Variants in NAV1 observed in about 807,000 individuals in gnomAD.
NAV1 encodes neuron navigator 1.
In NAV1, 18 loss-of-function variants were observed where a neutral mutation model predicts 175.2. The ratio of observed to expected loss-of-function variants is 0.10; its 90% CI spans 0.07 to 0.15. NAV1 has a LOEUF of 0.15. Ranked by LOEUF, NAV1 falls within the 10% of genes least tolerant of loss-of-function variation. The pLI, the probability that NAV1 is intolerant of heterozygous loss-of-function variation, is 1.00. For missense variants in NAV1, 1,731 were observed against 2,436.6 expected (o/e 0.71, Z 6.10); for synonymous variants, 897 against 978.7 (o/e 0.92, Z 1.56).
In NAV1 at chr1:201,567,760, C is replaced by T. The variant is rs184020547; in HGVS notation, c.-143-20779C>T. On this transcript the variant is annotated intron_variant, in intron 1 of 33. Transcript: ENST00000685211. ...CACAGACATGTCTACCCATGAGAGA[C>T]TATGGCTTTCTCCCAAGCCATAGGT... 8.2e-4 allele frequency among the ~76,000 whole-genome samples: 125 copies of T among 152,278 alleles called. 1 individual carries two copies. The highest frequency in any genetic ancestry group is 2.9e-3 in the African/African-American group (120 of 41,542).
Position 201,782,409 on chromosome 1 carries a change from A to G in NAV1, c.1897A>G (p.Lys633Glu). 1 of 1,614,136 alleles carries G rather than the reference A, an allele frequency of 6.2e-7. No individual in the cohort carries two copies. Among genetic ancestry groups the G allele is most frequent in the Non-Finnish European group, 8.5e-7 (1 of 1,179,986 alleles). ...TTCAGCCACTCTCAGCAAGATCCAG[A>G]AGTCCTCAGGCATCCCTGTCAAGCC... Residue 633 changes from lysine to glutamate, a missense_variant, in exon 6 of 30, where the codon AAG becomes GAG. By Grantham distance (56) the Lys-to-Glu change is moderately conservative. Transcript: ENST00000367296. This position sits in a 1 kb window ranked among gnomAD's most constrained non-coding sequence, Gnocchi z 5.4.
rs1356037460 is a variant in NAV1, at chr1:201,787,875, C to T, written c.2996-593C>T. The T allele has an allele frequency of 2.6e-5, 9 of 352,878 alleles. No individual in the cohort carries two copies. The highest frequency in any genetic ancestry group is 1.1e-4 in the Admixed American group (3 of 28,140). 21.9% of individuals were successfully genotyped at this position (352,878 alleles called of 1,614,324 possible). ...TGCTCTGTCCATCTGACCTTCAAGC[C>T]GGGGCAATGCTAGGCAAAGAGGGCC... is the stretch of plus-strand genomic sequence containing the variant. On this transcript the variant is annotated intron_variant, in intron 9 of 29. Transcript: ENST00000367296. This position sits in a 1 kb window ranked among gnomAD's most constrained non-coding sequence, Gnocchi z 4.3.
In NAV1 at chr1:201,782,875, C is replaced by A; in HGVS notation, c.2357+6C>A. 1.9e-6 allele frequency: 3 copies of A among 1,558,482 alleles called. No individual in the cohort carries two copies. Among genetic ancestry groups the A allele is most frequent in the Non-Finnish European group, 2.6e-6 (3 of 1,153,638 alleles). On this transcript the variant is annotated splice_donor_region_variant and intron_variant, in intron 6 of 29. Coordinates refer to ENST00000367296, the Ensembl canonical transcript of NAV1. The surrounding 1 kb of genome is among the most constrained non-coding windows in gnomAD (Gnocchi z 5.4). Reference sequence around the variant, plus strand: ...CTGCCACCAACCCCTCTCAGGTACCCAATGTGGGCAGCCGCCTCCTTGTCT... The same window carrying A: ...CTGCCACCAACCCCTCTCAGGTACCAAATGTGGGCAGCCGCCTCCTTGTCT...
At chr1:201,561,526 A>G (rs1666199614) in intron 1 of NAV1, among the ~76,000 whole-genome samples, 1 of 152,184 alleles carries the variant, frequency 6.6e-6, no homozygotes, top group Admixed American at 6.5e-5. Context: ...AGAAGATTAA[A>G]TCTGTATAGT....
At chr1:201,614,404 G>A (rs1457290471) in intron 2 of NAV1, among the ~76,000 whole-genome samples, 2 of 152,226 alleles carry the variant, frequency 1.3e-5, no homozygotes, top group African/African-American at 4.8e-5. Flanking sequence ...TCAAGGGCAG[G>A]AAGGGCGGTG....
chr1:201,670,434 G>A lies in NAV1; in HGVS notation c.757+21009G>A, dbSNP rs1041762761. ...GGTAAGCTCATCTCAGCTGTACTTA[G>A]GGCACATGAGATTCATATAAATTTT... On this transcript the variant is annotated intron_variant, in intron 1 of 29. Transcript: ENST00000367296. Among the ~76,000 whole-genome samples the A allele has an allele frequency of 4.1e-4, 60 of 146,892 alleles. 1 individual carries two copies. Among genetic ancestry groups the A allele is most frequent in the Non-Finnish European group, 7.1e-4 (48 of 67,232 alleles).
Position 201,788,630 on chromosome 1 carries a change from CGG to C in NAV1, c.3159_3160del (p.Asp1054ArgfsTer21). ...CGGTCAGGATCCTTCCGAGACCCCA[CGG>C]ACGATGGTGAGACTTCATGCTAGCG... On this transcript the variant is annotated frameshift_variant, in exon 10 of 30. Coordinates refer to ENST00000367296, the Ensembl canonical transcript of NAV1. LOFTEE classifies it high-confidence loss of function. The surrounding 1 kb of genome is among the most constrained non-coding windows in gnomAD (Gnocchi z 5.7). The C allele has an allele frequency of 6.2e-7, 1 of 1,611,400 alleles. No individual in the cohort carries two copies. Among genetic ancestry groups the C allele is most frequent in the Non-Finnish European group, 8.5e-7 (1 of 1,178,436 alleles).
At chr1:201,621,816 T>A (rs1287503140), upstream of NAV1, among the ~76,000 whole-genome samples, 1 of 152,248 alleles carries the variant, frequency 6.6e-6, no homozygotes, top group Non-Finnish European at 1.5e-5. Context: ...CATGCATGTG[T>A]TCTGAACATT....
chr1:201,666,828 A>G (rs1046798924), intron 1 of NAV1, among the ~76,000 whole-genome samples: 14 of 152,158 alleles, frequency 9.2e-5, no homozygotes, highest in African/African-American at 3.4e-4. Context: ...TCTGGGAGGC[A>G]GGGAAGTATG....
chr1:201,548,782 A>G (rs925379849), intron 1 of NAV1, among the ~76,000 whole-genome samples: 5 of 152,252 alleles, frequency 3.3e-5, no homozygotes, highest in Admixed American at 3.3e-4. Context: ...AGAAAAGGAG[A>G]AAGAGAGTCG....
exon 1 of NAV1, chr1:201,648,759 G>C (rs999193114): frequency 2.1e-6 from 3 of 1,401,946 alleles, no homozygotes; most frequent in African/African-American, 1.5e-5. Context: ...GCGGGGCGCC[G>C]GCAGGAAGGC....
At position 201,788,656 on chromosome 1, in the gene NAV1, C is replaced by T. The variant is rs1380923453; in HGVS notation, c.3166+18C>T. The T allele has an allele frequency of 6.3e-6, 10 of 1,592,820 alleles. No homozygotes were observed. The highest frequency in any genetic ancestry group is 1.7e-5 in the Admixed American group (1 of 59,160). ...GGACGATGGTGAGACTTCATGCTAG[C>T]GCGGTTCACGCTCATTCCAGCTCTG... On this transcript the variant is annotated intron_variant, in intron 10 of 29. Transcript: ENST00000367296. This position sits in a 1 kb window ranked among gnomAD's most constrained non-coding sequence, Gnocchi z 5.7.
chr1:201,667,894 A>T (rs1033513544), intron 1 of NAV1, among the ~76,000 whole-genome samples: 14 of 152,252 alleles, frequency 9.2e-5, no homozygotes, highest in African/African-American at 3.4e-4. Context: ...AAGTGTAGGG[A>T]CATGCCCAGA....
At chr1:201,566,690 G>A (rs1255718771) in intron 1 of NAV1, among the ~76,000 whole-genome samples, 1 of 151,868 alleles carries the variant, frequency 6.6e-6, no homozygotes, top group Non-Finnish European at 1.5e-5. Context: ...AACTAGTGTT[G>A]TTTTTTTCTT....
exon 30 of NAV1, chr1:201,825,847 A>T (rs1679641328): frequency 6.6e-6 from 1 of 152,198 alleles, no homozygotes; most frequent in African/African-American, 2.4e-5. Context: ...TTTTTAGTAG[A>T]TACGGAGTTT....
chr1:201,630,912 G>A (rs11803581), intron 2 of NAV1, among the ~76,000 whole-genome samples: 4 of 152,136 alleles, frequency 2.6e-5, no homozygotes, highest in East Asian at 3.8e-4. Context: ...CTAACCCAGC[G>A]CTCGTTCACG....
intron 29 of NAV1, 78 bp downstream of exon 33, chr1:201,817,363 G>A (rs1571522863): frequency 2.2e-6 from 3 of 1,358,256 alleles, no homozygotes; most frequent in Non-Finnish European, 3.0e-6. Context: ...GCTCACACCT[G>A]TAATCCCAGC....
chr1:201,780,666 G>T lies in NAV1; in HGVS notation c.1365+107G>T, dbSNP rs1676266056. 2.1e-6 allele frequency: 3 copies of T among 1,443,420 alleles called. No homozygotes were observed. In the African/African-American group the frequency reaches 4.2e-5, roughly 20 times the overall value. The allele number at this position is 1,443,420 out of a possible 1,614,324, so 89.4% of individuals were successfully genotyped here. A position where few individuals can be genotyped will look rare whatever the true frequency, so the allele number is the denominator to read the frequency against. On this transcript the variant is annotated intron_variant, in intron 4 of 29. Coordinates refer to ENST00000367296, the Ensembl canonical transcript of NAV1. The stretch of plus-strand genomic sequence containing the variant: ...CGTACACACCCACTCCATGGGATTG[G>T]TTCTCATAGGCCTTTGGCCAGGTCA...
At chr1:201,582,325 G>A (rs539739385) in intron 1 of NAV1, among the ~76,000 whole-genome samples, 5 of 152,346 alleles carry the variant, frequency 3.3e-5, no homozygotes, top group African/African-American at 1.2e-4. Context: ...AAACAGGGGA[G>A]GAAGCAGCTG....
Sources: gnomAD v4.1 joint callset for allele counts (sites outside exome capture counted in the v4.1 genomes callset) on GRCh38, gnomAD v4.1.1 for gene constraint, Gnocchi (gnomAD v3.1) non-coding constraint, MANE v1.5 for transcripts, NCBI Gene and HGNC (gene_info 2026-07-23, HGNC 2026-07-21) for gene names.